Variants in RPS6KC1 observed in about 807,000 individuals in gnomAD.
RPS6KC1 encodes ribosomal protein S6 kinase C1.
Under a neutral mutation model 103.8 loss-of-function variants are expected in RPS6KC1, and 54 were observed. The observed-to-expected ratio is 0.52, with a 90% CI of 0.42 to 0.65. RPS6KC1 has a LOEUF of 0.65. RPS6KC1 is among the 30% of genes least tolerant of loss of function. RPS6KC1 has a pLI of 0.00. For missense variants in RPS6KC1, 1,151 were observed against 1,253.8 expected, an observed-to-expected ratio of 0.92 and a Z score of 1.24; for synonymous variants, 439 against 438.7, an observed-to-expected ratio of 1.00 and a Z score of -0.01.
At chr1:213,553,225 A>G in the RPS6KC1 span, among the ~76,000 whole-genome samples, 6 of 152,050 alleles carry the variant, frequency 3.9e-5, no homozygotes, top group Admixed American at 2.0e-4. Context: ...TGTGCACTCA[A>G]TGTTTAGCTC....
the RPS6KC1 span, among the ~76,000 whole-genome samples, chr1:213,281,143 C>T: frequency 6.6e-6 from 1 of 152,178 alleles, no homozygotes; most frequent in Non-Finnish European, 1.5e-5. Context: ...AAGCAACCCT[C>T]CAGCTGGTAA....
chr1:213,734,136 C>T, the RPS6KC1 span, among the ~76,000 whole-genome samples: 1 of 152,172 alleles, frequency 6.6e-6, no homozygotes, highest in Admixed American at 6.5e-5. Context: ...CTATGTGCAC[C>T]ATTTTCAAGG....
At chr1:213,621,328 C>A in the RPS6KC1 span, among the ~76,000 whole-genome samples, 1 of 150,076 alleles carries the variant, frequency 6.7e-6, no homozygotes, top group South Asian at 2.1e-4. Context: ...CAGGGACCCA[C>A]GCCAAGTATT....
At chr1:213,209,697 A>G (rs998029772) in intron 8 of RPS6KC1, among the ~76,000 whole-genome samples, 92 of 105,784 alleles carry the variant, frequency 8.7e-4, no homozygotes, top group African/African-American at 5.6e-3. Flanking sequence ...CTCCGTCTCA[A>G]AAAAAAAAAA....
the RPS6KC1 span, among the ~76,000 whole-genome samples, chr1:213,545,433 A>G: frequency 3.8e-5 from 2 of 52,958 alleles, no homozygotes; most frequent in Non-Finnish European, 1.2e-4. Flanking sequence ...AATAAAATAA[A>G]AGAGAGAGAG....
At chr1:213,827,003 CTT>C in the RPS6KC1 span, among the ~76,000 whole-genome samples, 20 of 152,200 alleles carry the variant, frequency 1.3e-4, no homozygotes, top group Non-Finnish European at 2.5e-4. Flanking sequence ...TCCGCAGACT[CTT>C]TTAATTTTCT....
chr1:213,583,830 AAAAAAAAAG>A, the RPS6KC1 span, among the ~76,000 whole-genome samples: 2 of 144,838 alleles, frequency 1.4e-5, no homozygotes, highest in Admixed American at 6.8e-5. Context: ...CAAAAAAAAA[AAAAAAAAAG>A]AAAAAAGAAA....
chr1:213,575,917 A>C, the RPS6KC1 span, among the ~76,000 whole-genome samples: 3 of 152,192 alleles, frequency 2.0e-5, no homozygotes, highest in Non-Finnish European at 4.4e-5. Flanking sequence ...GGAAGAAAGA[A>C]GGGGGCACAA....
At chr1:213,485,115 C>A in the RPS6KC1 span, among the ~76,000 whole-genome samples, 8 of 152,296 alleles carry the variant, frequency 5.3e-5, no homozygotes, top group East Asian at 1.5e-3. Flanking sequence ...ATCCTCCCAT[C>A]CTGGCCTCCC....
At chr1:213,773,741 TTG>T in the RPS6KC1 span, among the ~76,000 whole-genome samples, 1 of 152,100 alleles carries the variant, frequency 6.6e-6, no homozygotes, top group Non-Finnish European at 1.5e-5. Context: ...GTCTTAGTCT[TTG>T]TGATTAAGCC....
chr1:213,100,873 G>A (rs747677740), intron 3 of RPS6KC1, among the ~76,000 whole-genome samples: 3 of 151,556 alleles, frequency 2.0e-5, no homozygotes, highest in East Asian at 1.9e-4. Flanking sequence ...CTTTACTATC[G>A]TGAATAGCAC....
chr1:213,534,287 C>G, the RPS6KC1 span, among the ~76,000 whole-genome samples: 3 of 152,114 alleles, frequency 2.0e-5, no homozygotes, highest in Admixed American at 1.3e-4. Flanking sequence ...AAATTTAAGG[C>G]CTGGAAAAAC....
chr1:213,079,918 C>CT (rs550713502), intron 3 of RPS6KC1, among the ~76,000 whole-genome samples: 2,819 of 130,068 alleles, frequency 0.022, 83 homozygotes, highest in African/African-American at 0.07. Flanking sequence ...TTCTTTTTTT[C>CT]TTTTTTTTTT....
chr1:213,164,838 G>A (rs1327776778), intron 6 of RPS6KC1, among the ~76,000 whole-genome samples: 1 of 152,198 alleles, frequency 6.6e-6, no homozygotes, highest in Non-Finnish European at 1.5e-5. Context: ...CAAAGTGCTG[G>A]AATTGTAGGA....
At chr1:213,321,983 A>AG in the RPS6KC1 span, among the ~76,000 whole-genome samples, 96 of 152,232 alleles carry the variant, frequency 6.3e-4, no homozygotes, top group African/African-American at 2.1e-3. Flanking sequence ...AATGAGTGAG[A>AG]GGGGGTAGGG....
the RPS6KC1 span, among the ~76,000 whole-genome samples, chr1:213,519,051 C>G: frequency 6.6e-6 from 1 of 152,104 alleles, no homozygotes; most frequent in Non-Finnish European, 1.5e-5. Flanking sequence ...ACATTCTCAG[C>G]AGATAGAGGG....
At chr1:213,525,252 A>C in the RPS6KC1 span, among the ~76,000 whole-genome samples, 2 of 152,200 alleles carry the variant, frequency 1.3e-5, no homozygotes, top group African/African-American at 2.4e-5. Context: ...TTGAAAGTAG[A>C]GAGACAGTAT....
At chr1:213,720,326 G>A in the RPS6KC1 span, among the ~76,000 whole-genome samples, 1 of 152,200 alleles carries the variant, frequency 6.6e-6, no homozygotes, top group Non-Finnish European at 1.5e-5. Context: ...ACAGAGGATC[G>A]CCTGGAGGCT....
At chr1:213,677,254 C>T in the RPS6KC1 span, among the ~76,000 whole-genome samples, 1 of 152,214 alleles carries the variant, frequency 6.6e-6, no homozygotes, top group African/African-American at 2.4e-5. Flanking sequence ...CTCACCTGAA[C>T]TGGTACCAGA....
Sources: allele counts gnomAD v4.1 joint callset (sites outside exome capture counted in the v4.1 genomes callset), GRCh38; gene constraint gnomAD v4.1.1; transcripts MANE v1.5; gene names NCBI Gene and HGNC (gene_info 2026-07-23, HGNC 2026-07-21).